The following LCORL variants were observed in gnomAD, a reference collection of about 807,000 sequenced individuals.
LCORL encodes the protein ligand-dependent nuclear receptor corepressor-like protein.
LCORL carries 41 observed loss-of-function variants against 141.8 expected under a neutral mutation model. The observed-to-expected ratio is 0.29, with a 90% CI of 0.23 to 0.38. The LOEUF (loss-of-function observed/expected upper bound fraction) is 0.38, where lower values mean the gene tolerates loss of function less well. Among genes scored for constraint, LCORL ranks in the 10% least tolerant of loss-of-function variants. The pLI is 1.00. For synonymous variants in LCORL, 618 were observed against 694.1 expected (o/e 0.89, Z 1.72); for missense variants, 1,759 against 2,035.0 (o/e 0.86, Z 2.61).
chr4:17,866,608 A>C (rs1453451631), intron 7 of LCORL, among the ~76,000 whole-genome samples: 2 of 152,214 alleles, frequency 1.3e-5, no homozygotes, highest in South Asian at 2.1e-4. Flanking sequence ...AAGGAAAAAG[A>C]AGCCAAGGTC....
exon 8 of LCORL, chr4:17,842,281 T>C: frequency 6.3e-7 from 1 of 1,597,200 alleles, no homozygotes. Flanking sequence ...TGATAATAAA[T>C]CCTGATAATG....
chr4:17,998,985 A>AAAAAATAT lies in LCORL; in HGVS notation c.154+22612_154+22613insATATTTTT, dbSNP rs1374815646. The stretch of plus-strand genomic sequence containing the variant: ...GTCTCAAAAAAAAAAAAAAAAAAAA[A>AAAAAATAT]ATATATATATATATATATACACACA... On this transcript the variant is annotated intron_variant, in intron 1 of 7. Transcript: ENST00000635767. Among the ~76,000 whole-genome samples the AAAAAATAT allele has an allele frequency of 1.4e-3, 80 of 57,872 alleles. 1 individual carries two copies. Among genetic ancestry groups the AAAAAATAT allele is most frequent in the Non-Finnish European group, 2.1e-3 (62 of 30,170 alleles). 38.0% of individuals were successfully genotyped at this position (57,872 alleles called of 152,430 possible).
chr4:17,961,003 T>G (rs974450036), intron 4 of LCORL, among the ~76,000 whole-genome samples: 1 of 152,162 alleles, frequency 6.6e-6, no homozygotes, highest in Non-Finnish European at 1.5e-5. Flanking sequence ...CACAGTCAAG[T>G]ACTATTTTAA....
At chr4:17,875,858 T>A in exon 7 of LCORL, 1 of 1,231,272 alleles carries the variant, frequency 8.1e-7, no homozygotes, top group Non-Finnish European at 1.0e-6. Flanking sequence ...TTGTAGAGGA[T>A]CCTGCAGTTT....
At chr4:17,876,919 A>G in exon 7 of LCORL, 1 of 1,230,770 alleles carries the variant, frequency 8.1e-7, no homozygotes. Flanking sequence ...GGTGAAAATG[A>G]TGTTTCAGCA....
chr4:17,879,952 G>A (rs1727344825), intron 6 of LCORL, among the ~76,000 whole-genome samples: 2 of 151,166 alleles, frequency 1.3e-5, no homozygotes, highest in South Asian at 4.2e-4. Context: ...AATGACTAGT[G>A]TTAAGTATTC....
At chr4:17,926,805 C>T (rs1735223857) in intron 4 of LCORL, among the ~76,000 whole-genome samples, 1 of 152,224 alleles carries the variant, frequency 6.6e-6, no homozygotes, top group South Asian at 2.1e-4. Context: ...GTCATCCAGG[C>T]TTTGTTGTTC....
At chr4:17,950,085 A>G (rs1739480756) in intron 4 of LCORL, among the ~76,000 whole-genome samples, 2 of 152,160 alleles carry the variant, frequency 1.3e-5, no homozygotes. Context: ...ATTACTTTTT[A>G]AGTGGAAAGT....
intron 7 of LCORL, among the ~76,000 whole-genome samples, chr4:17,872,970 G>A (rs1283878557): frequency 3.3e-5 from 5 of 152,056 alleles, no homozygotes; most frequent in South Asian, 2.1e-4. Flanking sequence ...TCTCATAGTT[G>A]TGGTTGATTT....
Position 17,916,643 on chromosome 4 carries a change from CT to C in LCORL, c.431-7299del, listed in dbSNP as rs1057287592. ...ATGAAAGCATGAGCCAATTAAATGT[CT>C]TTTTTTTTTTTTTTTTTTTTTTTAG... On this transcript the variant is annotated intron_variant, in intron 4 of 7. Coordinates refer to ENST00000635767, the Ensembl canonical transcript of LCORL. Among the ~76,000 whole-genome samples, 814 of 113,122 alleles carry C rather than the reference CT, an allele frequency of 7.2e-3. 3 individuals are homozygous for C. Among genetic ancestry groups the C allele is most frequent in the African/African-American group, 0.019 (555 of 29,976 alleles). The allele number at this position is 113,122 out of a possible 152,430, so 74.2% of individuals were successfully genotyped here.
intron 2 of LCORL, among the ~76,000 whole-genome samples, chr4:17,963,882 G>A (rs1418325025): frequency 2.0e-5 from 3 of 151,866 alleles, no homozygotes; most frequent in Non-Finnish European, 2.9e-5. Flanking sequence ...TATCATCTAA[G>A]GCAGCTATAC....
intron 1 of LCORL, among the ~76,000 whole-genome samples, chr4:17,980,795 T>A (rs146138736): frequency 2.0e-3 from 299 of 152,314 alleles, no homozygotes; most frequent in African/African-American, 6.7e-3. Context: ...CCTCCTGAGC[T>A]GTGGCTCCTG....
chr4:17,854,605 G>A (rs1241506064), intron 7 of LCORL, among the ~76,000 whole-genome samples: 1 of 151,968 alleles, frequency 6.6e-6, no homozygotes, highest in Non-Finnish European at 1.5e-5. Flanking sequence ...GTTTCTAAGG[G>A]TGACCATGAG....
chr4:17,995,514 G>T (rs955067009), intron 1 of LCORL, among the ~76,000 whole-genome samples: 11 of 152,084 alleles, frequency 7.2e-5, no homozygotes, highest in African/African-American at 2.4e-4. Context: ...TATCTAAATA[G>T]ATACTAAAAG....
At chr4:17,869,878 T>A (rs1577290247) in intron 7 of LCORL, among the ~76,000 whole-genome samples, 1 of 152,328 alleles carries the variant, frequency 6.6e-6, no homozygotes, top group East Asian at 1.9e-4. Context: ...TACCCAGATG[T>A]TCAAGGCAAA....
chr4:17,918,750 A>G (rs1182519526), intron 4 of LCORL, among the ~76,000 whole-genome samples: 1 of 152,174 alleles, frequency 6.6e-6, no homozygotes, highest in African/African-American at 2.4e-5. Flanking sequence ...AGATTTGCAA[A>G]AGGTATTCCC....
At chr4:17,868,569 AT>A (rs1044138266) in intron 7 of LCORL, among the ~76,000 whole-genome samples, 9 of 152,124 alleles carry the variant, frequency 5.9e-5, no homozygotes, top group African/African-American at 2.2e-4. Context: ...GGTCTATATT[AT>A]TTCCAACAGT....
intron 4 of LCORL, chr4:17,912,390 G>C (rs1181807690): frequency 1.6e-6 from 1 of 641,632 alleles, no homozygotes; most frequent in Non-Finnish European, 3.0e-6. Flanking sequence ...CCAGCTCTAG[G>C]GTGACTGCGG....
At chr4:17,860,588 C>T (rs1310613968) in intron 7 of LCORL, among the ~76,000 whole-genome samples, 1 of 152,170 alleles carries the variant, frequency 6.6e-6, no homozygotes, top group Non-Finnish European at 1.5e-5. Context: ...TCCCAAATCT[C>T]ATATCCTCAC....
Sources: allele counts gnomAD v4.1 joint callset (sites outside exome capture counted in the v4.1 genomes callset), GRCh38; gene constraint gnomAD v4.1.1; transcripts MANE v1.5; gene names NCBI Gene and HGNC (gene_info 2026-07-23, HGNC 2026-07-21).